The following WASF2 variants were observed in gnomAD, a reference collection of about 807,000 sequenced individuals.
WASF2 encodes actin-binding protein WASF2.
In WASF2, 14 loss-of-function variants were observed where a neutral mutation model predicts 45.0. The ratio of observed to expected loss-of-function variants is 0.31; its 90% CI spans 0.21 to 0.49. The LOEUF is 0.49. Among genes scored for constraint, WASF2 ranks in the 20% least tolerant of loss-of-function variants. WASF2 has a pLI of 0.99. For missense variants in WASF2, 439 were observed against 636.1 expected, an observed-to-expected ratio of 0.69 and a Z score of 3.33; for synonymous variants, 200 against 236.3, an observed-to-expected ratio of 0.85 and a Z score of 1.41.
At chr1:27,488,657 G>T (rs1340523480) in intron 1 of WASF2, among the ~76,000 whole-genome samples, 1 of 152,152 alleles carries the variant, frequency 6.6e-6, no homozygotes, top group East Asian at 1.9e-4. Context: ...CTGAATAAAG[G>T]GGCTGGACTT....
At chr1:27,487,533 AAT>A (rs1219149086) in intron 1 of WASF2, among the ~76,000 whole-genome samples, 6 of 106,734 alleles carry the variant, frequency 5.6e-5, no homozygotes, top group South Asian at 4.7e-4. Flanking sequence ...TATTTTATAC[AAT>A]ATATAATATA....
intron 1 of WASF2, among the ~76,000 whole-genome samples, chr1:27,469,101 TTA>T (rs1398281392): frequency 2.0e-5 from 3 of 152,122 alleles, no homozygotes; most frequent in Admixed American, 1.3e-4. Flanking sequence ...TGCAGTGTGG[TTA>T]TGTTTTTTAA....
chr1:27,458,383 C>T (rs973785476), intron 1 of WASF2, among the ~76,000 whole-genome samples: 3 of 142,850 alleles, frequency 2.1e-5, no homozygotes, highest in Non-Finnish European at 4.5e-5. Context: ...ATTGGTAATT[C>T]AAGGCAAATA....
At chr1:27,450,654 C>T (rs998200739) in intron 1 of WASF2, among the ~76,000 whole-genome samples, 2 of 152,160 alleles carry the variant, frequency 1.3e-5, no homozygotes, top group African/African-American at 4.8e-5. Flanking sequence ...GCACGCGCCC[C>T]ACGCCTGGCT....
In WASF2 at chr1:27,404,264, A is replaced by T. The variant is rs189887082; in HGVS notation, c.*3925T>A. On this transcript the variant is annotated 3_prime_UTR_variant, in exon 9 of 9. Transcript: ENST00000618852. ...ACAAAGACTTTATCAAATTATTTTA[A>T]ATGTTGGCATTTAAGTATTCATGTG... 2 of 152,330 alleles carry T rather than the reference A, an allele frequency of 1.3e-5. No homozygotes were observed. The highest frequency in any genetic ancestry group is 2.4e-5 in the African/African-American group (1 of 41,570). The allele number at this position is 152,330 out of a possible 1,614,324, so 9.4% of individuals were successfully genotyped here. A position where few individuals can be genotyped will look rare whatever the true frequency, so the allele number is the denominator to read the frequency against.
intron 1 of WASF2, among the ~76,000 whole-genome samples, chr1:27,463,849 C>T (rs974215250): frequency 6.8e-6 from 1 of 147,998 alleles, no homozygotes; most frequent in East Asian, 2.0e-4. Context: ...GTTGCCCAGG[C>T]TGGAGTACAA....
Position 27,428,647 on chromosome 1 carries a change from C to T in WASF2, c.130+114G>A, listed in dbSNP as rs1428961511. On this transcript the variant is annotated intron_variant, in intron 2 of 8. Coordinates refer to ENST00000618852, the MANE Select transcript of WASF2 (RefSeq NM_006990.5). ...GGAGGAGAGGGAGGATACATTTTCGCATTACCTAGGGAAGGCAGATGGGGG... is the reference window on the plus strand; with the variant it reads ...GGAGGAGAGGGAGGATACATTTTCGTATTACCTAGGGAAGGCAGATGGGGG... The T allele has an allele frequency of 5.2e-6, 8 of 1,525,590 alleles. No homozygotes were observed. The Admixed American group carries it at 7.1e-5, about 14-fold the overall frequency. 94.5% of individuals were successfully genotyped at this position (1,525,590 alleles called of 1,614,324 possible). A position where few individuals can be genotyped will look rare whatever the true frequency, so the allele number is the denominator to read the frequency against.
chr1:27,481,872 C>T (rs1301526781), intron 1 of WASF2, among the ~76,000 whole-genome samples: 1 of 152,224 alleles, frequency 6.6e-6, no homozygotes, highest in Non-Finnish European at 1.5e-5. Flanking sequence ...TTAATAGCCT[C>T]TCCTATCAAT....
chr1:27,468,354 G>C (rs953820858), intron 1 of WASF2, among the ~76,000 whole-genome samples: 14 of 151,760 alleles, frequency 9.2e-5, no homozygotes, highest in Non-Finnish European at 1.8e-4. Context: ...GAGAAAAAAA[G>C]AACTGACCAG....
intron 1 of WASF2, among the ~76,000 whole-genome samples, chr1:27,464,578 T>C (rs986940660): frequency 3.7e-4 from 56 of 152,122 alleles, no homozygotes; most frequent in Non-Finnish European, 7.3e-5. Context: ...ACAGAGTCAA[T>C]AGGCCACACA....
chr1:27,472,971 C>CAAAA (rs59391183), intron 1 of WASF2, among the ~76,000 whole-genome samples: 9 of 68,314 alleles, frequency 1.3e-4, no homozygotes, highest in African/African-American at 3.0e-4. Context: ...GACCTTGTCT[C>CAAAA]AAAAAAAAAA....
At chr1:27,487,657 A>ACAAT (rs2017960907) in intron 1 of WASF2, among the ~76,000 whole-genome samples, 1 of 104,778 alleles carries the variant, frequency 9.5e-6, no homozygotes, top group African/African-American at 3.8e-5. Context: ...TATATTATAT[A>ACAAT]ATATATATTA....
intron 6 of WASF2, among the ~76,000 whole-genome samples, 190 bp from the exon 7 acceptor site, chr1:27,412,917 T>C (rs1023997973): frequency 6.6e-6 from 1 of 152,226 alleles, no homozygotes; most frequent in Non-Finnish European, 1.5e-5. Context: ...GTCAAATATA[T>C]CCCAGATATT....
intron 1 of WASF2, among the ~76,000 whole-genome samples, chr1:27,434,625 C>A (rs998188033): frequency 6.6e-6 from 1 of 152,074 alleles, no homozygotes; most frequent in Admixed American, 6.6e-5. Flanking sequence ...TTATTTATAC[C>A]CAAGGGGCTC....
intron 1 of WASF2, among the ~76,000 whole-genome samples, chr1:27,452,777 C>T (rs945128526): frequency 1.3e-5 from 2 of 151,078 alleles, no homozygotes; most frequent in Non-Finnish European, 3.0e-5. Flanking sequence ...GATCACACCA[C>T]CGCACTCCAG....
chr1:27,452,374 G>A (rs1283104796), intron 1 of WASF2, among the ~76,000 whole-genome samples: 4 of 152,010 alleles, frequency 2.6e-5, no homozygotes, highest in East Asian at 3.9e-4. Context: ...TTAGCTGGGC[G>A]TGGTGGTGCG....
intron 1 of WASF2, among the ~76,000 whole-genome samples, chr1:27,474,192 G>A (rs2017733336): frequency 6.6e-6 from 1 of 152,116 alleles, no homozygotes; most frequent in Admixed American, 6.5e-5. Context: ...ACTTGTTGAG[G>A]CTAGGAGATA....
intron 1 of WASF2, among the ~76,000 whole-genome samples, chr1:27,470,309 G>T (rs757574394): frequency 6.6e-6 from 1 of 152,130 alleles, no homozygotes; most frequent in Non-Finnish European, 1.5e-5. Flanking sequence ...AGAATATTTA[G>T]GAAGAAACTA....
intron 5 of WASF2, 64 bp from the exon 6 acceptor site, chr1:27,415,027 A>G: frequency 6.3e-7 from 1 of 1,589,418 alleles, no homozygotes; most frequent in Non-Finnish European, 8.6e-7. Context: ...TTAAAATTCT[A>G]CCCATCTTCA....
Sources: allele counts gnomAD v4.1 joint callset (sites outside exome capture counted in the v4.1 genomes callset), GRCh38; gene constraint gnomAD v4.1.1; transcripts MANE v1.5; gene names NCBI Gene and HGNC (gene_info 2026-07-23, HGNC 2026-07-21).